The following GLIS3 variants were observed in gnomAD, a reference collection of about 807,000 sequenced individuals.
The protein encoded by GLIS3 is zinc finger protein GLIS3.
In GLIS3, 53 loss-of-function variants were observed where a neutral mutation model predicts 78.6. The ratio of observed to expected loss-of-function variants is 0.67; its 90% CI spans 0.54 to 0.85. The LOEUF (loss-of-function observed/expected upper bound fraction) is 0.85. Ranked by LOEUF, GLIS3 falls within the 40% of genes least tolerant of loss-of-function variation. The pLI is 0.00. For missense variants in GLIS3, 1,703 were observed against 1,231.1 expected (o/e 1.38, Z -5.74); for synonymous variants, 684 against 509.9 (o/e 1.34, Z -4.60).
chr9:4,462,048 C>T, the GLIS3 span, among the ~76,000 whole-genome samples: 11 of 152,202 alleles, frequency 7.2e-5, no homozygotes, highest in South Asian at 1.2e-3. Flanking sequence ...GAAGAGTACA[C>T]GAAGTGAGTT....
At chr9:3,854,835 T>A (rs1563778644) in intron 9 of GLIS3, among the ~76,000 whole-genome samples, 1 of 152,110 alleles carries the variant, frequency 6.6e-6, no homozygotes, top group Non-Finnish European at 1.5e-5. Context: ...TGAGCCACCA[T>A]GCCCAGCCTA....
Position 4,278,095 on chromosome 9 carries a change from G to A in GLIS3, c.388+7943C>T, listed in dbSNP as rs142406608. ...AAACTAAAAGTAACTCTTCCTTGTC[G>A]TAGACAGAGCAAAAAAAATACACTG... On this transcript the variant is annotated intron_variant, in intron 2 of 10. Transcript: ENST00000381971. Among the ~76,000 whole-genome samples the A allele has an allele frequency of 5.9e-4, 90 of 152,214 alleles. 1 individual carries two copies. The highest frequency in any genetic ancestry group is 1.0e-3 in the Non-Finnish European group (71 of 67,996).
chr9:4,104,437 A>T (rs1830604181), intron 4 of GLIS3, among the ~76,000 whole-genome samples: 1 of 152,172 alleles, frequency 6.6e-6, no homozygotes, highest in South Asian at 2.1e-4. Context: ...AAGTAGAAAG[A>T]CCAGACAGAA....
intron 2 of GLIS3, among the ~76,000 whole-genome samples, chr9:4,316,943 T>G (rs924579668): frequency 5.3e-5 from 7 of 133,198 alleles, no homozygotes; most frequent in African/African-American, 2.4e-4. Flanking sequence ...TAGCCGTTGG[T>G]AAAATTGGTT....
chr9:3,976,246 G>C (rs1480531561), intron 4 of GLIS3, among the ~76,000 whole-genome samples: 1 of 151,976 alleles, frequency 6.6e-6, no homozygotes, highest in Admixed American at 6.6e-5. Context: ...AATGAAGTTA[G>C]AAGATGAGAG....
At chr9:4,334,940 G>A (rs1271168229) in intron 2 of GLIS3, among the ~76,000 whole-genome samples, 3 of 99,162 alleles carry the variant, frequency 3.0e-5, no homozygotes, top group African/African-American at 1.2e-4. Context: ...ACGGAGTCTT[G>A]CTCTGTCACC....
intron 8 of GLIS3, among the ~76,000 whole-genome samples, chr9:3,865,840 G>A (rs1409678588): frequency 6.6e-6 from 1 of 152,186 alleles, no homozygotes; most frequent in African/African-American, 2.4e-5. Flanking sequence ...CATCCTAATA[G>A]TTGGTTTTTG....
At position 4,118,260 on chromosome 9, in the gene GLIS3, G is replaced by A; in HGVS notation, c.1218C>T (p.Gly406=). 1 of 1,589,588 alleles carries A rather than the reference G, an allele frequency of 6.3e-7. No homozygotes were observed. The highest frequency in any genetic ancestry group is 1.7e-5 in the Admixed American group (1 of 57,154). Residue 406 remains glycine, a synonymous_variant, in exon 4 of 11, where the codon GGC becomes GGT. Coordinates refer to ENST00000381971, the MANE Select transcript of GLIS3 (RefSeq NM_001042413.2). The surrounding 1 kb of genome is among the most constrained non-coding windows in gnomAD (Gnocchi z 4.7). ...QQLEHGGLQP[G]LVNHMVVQHG... ...GCTGCACCACCATGTGGTTGACCAG[G>A]CCTGGCTGCAGGCCGCCGTGCTCCA...
chr9:4,315,752 G>A (rs1382639451), intron 2 of GLIS3, among the ~76,000 whole-genome samples: 2 of 152,180 alleles, frequency 1.3e-5, no homozygotes, highest in Non-Finnish European at 1.5e-5. Flanking sequence ...AACCCAAGAG[G>A]GAGGTTCCTG....
upstream of GLIS3, among the ~76,000 whole-genome samples, chr9:4,301,971 G>C (rs1389304005): frequency 1.3e-5 from 2 of 151,610 alleles, no homozygotes; most frequent in East Asian, 1.9e-4. Context: ...AAGAGGTATA[G>C]TGCTTTGGTT....
At chr9:4,366,686 G>C in the GLIS3 span, among the ~76,000 whole-genome samples, 4 of 152,220 alleles carry the variant, frequency 2.6e-5, no homozygotes. Flanking sequence ...GGCCTTTTCA[G>C]ACTGTCTTTG....
the GLIS3 span, among the ~76,000 whole-genome samples, chr9:4,478,334 G>T: frequency 6.6e-6 from 1 of 152,152 alleles, no homozygotes; most frequent in African/African-American, 2.4e-5. Context: ...AAGCCCCGGC[G>T]CAGTGGCTCA....
rs570147824 is a variant in GLIS3 at position 3,942,939 on chromosome 9, G to T, written c.1711-5750C>A. The stretch of plus-strand genomic sequence containing the variant: ...GAAAGGAAAGAACTAAACTGTGGTA[G>T]TCTCACACCTTAGGTGGTGAAACAG... On this transcript the variant is annotated intron_variant, in intron 4 of 10. Transcript: ENST00000381971. Among the ~76,000 whole-genome samples, 4 of 152,190 alleles carry T rather than the reference G, an allele frequency of 2.6e-5. 1 individual carries two copies. The South Asian group carries it at 8.3e-4, about 32-fold the overall frequency.
At chr9:4,166,018 G>A (rs1835861548) in intron 2 of GLIS3, among the ~76,000 whole-genome samples, 1 of 152,174 alleles carries the variant, frequency 6.6e-6, no homozygotes, top group Admixed American at 6.5e-5. Flanking sequence ...AGGTTCTGAG[G>A]CGAGAGACCA....
At chr9:4,254,090 T>G (rs547971101) in intron 2 of GLIS3, among the ~76,000 whole-genome samples, 1 of 152,226 alleles carries the variant, frequency 6.6e-6, no homozygotes, top group Non-Finnish European at 1.5e-5. Flanking sequence ...TAATGATGAC[T>G]GGTTAACCAG....
chr9:4,240,823 A>G (rs10974408), intron 2 of GLIS3, among the ~76,000 whole-genome samples: 21,711 of 152,140 alleles, frequency 0.14, 1,675 homozygotes, highest in Non-Finnish European at 0.16. Context: ...TTACCTGTGT[A>G]ACAAACCTGC....
At chr9:4,333,131 T>C (rs1363299663) in intron 2 of GLIS3, among the ~76,000 whole-genome samples, 1 of 152,044 alleles carries the variant, frequency 6.6e-6, no homozygotes, top group Non-Finnish European at 1.5e-5. Flanking sequence ...CTTATAGTCC[T>C]AGCTACTCAG....
At chr9:4,337,153 G>T (rs1817767284) in intron 2 of GLIS3, among the ~76,000 whole-genome samples, 1 of 152,162 alleles carries the variant, frequency 6.6e-6, no homozygotes, top group East Asian at 1.9e-4. Flanking sequence ...AAGTAATTTG[G>T]CAACACATAG....
At chr9:4,355,977 T>C in the GLIS3 span, among the ~76,000 whole-genome samples, 2 of 152,182 alleles carry the variant, frequency 1.3e-5, no homozygotes, top group African/African-American at 4.8e-5. Flanking sequence ...ACTGGGCACT[T>C]CAGTTCTGTG....
Sources: gnomAD v4.1 joint callset for allele counts (sites outside exome capture counted in the v4.1 genomes callset) on GRCh38, gnomAD v4.1.1 for gene constraint, Gnocchi (gnomAD v3.1) non-coding constraint, MANE v1.5 for transcripts, NCBI Gene and HGNC (gene_info 2026-07-23, HGNC 2026-07-21) for gene names.